The following TMEM220 variants were observed in gnomAD, a reference collection of about 807,000 sequenced individuals.
TMEM220 encodes transmembrane protein 220.
In TMEM220, 21 loss-of-function variants were observed where a neutral mutation model predicts 21.7. That is an observed-to-expected ratio of 0.97 (90% confidence interval 0.69 to 1.39). The LOEUF (loss-of-function observed/expected upper bound fraction) is 1.39, where lower values mean the gene tolerates loss of function less well. Among genes scored for constraint, TMEM220 ranks in the 40% most tolerant of loss-of-function variants. The pLI, the probability that TMEM220 is intolerant of heterozygous loss-of-function variation, is 0.00. For synonymous variants in TMEM220, 80 were observed against 73.6 expected (o/e 1.09, Z -0.45); for missense variants, 191 against 201.9 (o/e 0.95, Z 0.33).
At chr17:10,726,133 G>T in intron 3 of TMEM220, 71 bp downstream of exon 3, 1 of 1,295,376 alleles carries the variant, frequency 7.7e-7, no homozygotes, top group Non-Finnish European at 1.1e-6. Flanking sequence ...CTGGGAGTTG[G>T]GCAGATAGAC....
intron 3 of TMEM220, among the ~76,000 whole-genome samples, chr17:10,725,681 C>T (rs1055126792): frequency 2.0e-5 from 3 of 152,160 alleles, no homozygotes; most frequent in Non-Finnish European, 2.9e-5. Flanking sequence ...GGTAAAGTTC[C>T]GAGTCCACCA....
At chr17:10,726,665 C>T (rs1422693540) in intron 2 of TMEM220, among the ~76,000 whole-genome samples, 4 of 152,194 alleles carry the variant, frequency 2.6e-5, no homozygotes, top group Non-Finnish European at 4.4e-5. Flanking sequence ...CTAGATGGCC[C>T]TGCTGGCTTT....
chr17:10,721,623 A>G (rs1277305120), intron 5 of TMEM220, among the ~76,000 whole-genome samples: 3 of 125,148 alleles, frequency 2.4e-5, no homozygotes, highest in South Asian at 4.8e-4. Context: ...AAAAAAAGAA[A>G]AAAAGAAAAA....
chr17:10,729,127 T>G (rs866632252), intron 1 of TMEM220, 67 bp from the exon 2 acceptor site: 3 of 1,580,446 alleles, frequency 1.9e-6, no homozygotes, highest in Non-Finnish European at 2.6e-6. Flanking sequence ...TAAATTCATT[T>G]AAGCACATTT....
rs945935014 is a variant in TMEM220, at chr17:10,729,919, G to A, written c.-68C>T. 2.6e-5 allele frequency: 32 copies of A among 1,253,638 alleles called. No homozygotes were observed. The Admixed American group carries it at 9.5e-4, about 37-fold the overall frequency. 77.7% of individuals were successfully genotyped at this position (1,253,638 alleles called of 1,614,324 possible). A position where few individuals can be genotyped will look rare whatever the true frequency, so the allele number is the denominator to read the frequency against. On this transcript the variant is annotated 5_prime_UTR_variant, in exon 1 of 6. Transcript: ENST00000341871. ...CGGGGCGGTGAGTCCTGCCACGTAC[G>A]GTCCGCCTTCCTCCTTGCGCGGAGG...
intron 5 of TMEM220, among the ~76,000 whole-genome samples, chr17:10,722,996 T>TG (rs1485507247): frequency 2.6e-5 from 4 of 151,704 alleles, no homozygotes; most frequent in Non-Finnish European, 5.9e-5. Flanking sequence ...TTTTTTTTTT[T>TG]TTTTGAGAGA....
At chr17:10,712,449 T>G (rs1290205521), downstream of TMEM220, among the ~76,000 whole-genome samples, 1 of 152,170 alleles carries the variant, frequency 6.6e-6, no homozygotes, top group South Asian at 2.1e-4. Flanking sequence ...GACATGTATC[T>G]CTCTGAGGGC....
At chr17:10,725,766 T>C (rs950375021) in intron 3 of TMEM220, among the ~76,000 whole-genome samples, 2 of 152,128 alleles carry the variant, frequency 1.3e-5, no homozygotes, top group Admixed American at 1.3e-4. Context: ...CATAGCACAT[T>C]TGAGTTATTT....
At position 10,729,988 on chromosome 17, in the gene TMEM220, C is replaced by T. The variant is rs2075109908; in HGVS notation, c.-137G>A. The T allele has an allele frequency of 7.7e-6, 9 of 1,161,582 alleles. No homozygotes were observed. The South Asian group carries it at 2.4e-4, about 30-fold the overall frequency. 72.0% of individuals were successfully genotyped at this position (1,161,582 alleles called of 1,614,324 possible). A position where few individuals can be genotyped will look rare whatever the true frequency, so the allele number is the denominator to read the frequency against. On this transcript the variant is annotated 5_prime_UTR_variant, in exon 1 of 6. Transcript: ENST00000341871. Reference sequence around the variant, plus strand: ...GGTTTCGGTGCCTTGGGGACACTGCCGTGGCCGTCGCTCCGCCCGGGGGCG... The same window carrying T: ...GGTTTCGGTGCCTTGGGGACACTGCTGTGGCCGTCGCTCCGCCCGGGGGCG...
At chr17:10,718,132 A>C (rs2074944487) in intron 5 of TMEM220, among the ~76,000 whole-genome samples, 1 of 151,988 alleles carries the variant, frequency 6.6e-6, no homozygotes, top group South Asian at 2.1e-4. Context: ...CTATGAACTC[A>C]ATTTCTTTAA....
chr17:10,717,686 T>C (rs1342876280), intron 5 of TMEM220, among the ~76,000 whole-genome samples: 2 of 152,226 alleles, frequency 1.3e-5, no homozygotes, highest in Non-Finnish European at 2.9e-5. Flanking sequence ...GGAAAGTGTT[T>C]CTTCTTTTTC....
intron 2 of TMEM220, among the ~76,000 whole-genome samples, chr17:10,728,172 A>G (rs1045597941): frequency 6.6e-6 from 1 of 152,060 alleles, no homozygotes; most frequent in Non-Finnish European, 1.5e-5. Context: ...AAAAGAAAAA[A>G]AAAAAAAGAT....
rs1280740988 is a variant in TMEM220, at chr17:10,725,083, A to G, written c.215T>C (p.Val72Ala). Residue 72 changes from valine (V) to alanine (A), a missense_variant, in exon 4 of 6, where the codon GTG (valine) becomes GCG (alanine). By Grantham distance (64) the Val-to-Ala change is moderately conservative. Transcript: ENST00000341871. Reference protein sequence around the residue: ...ISAIHILFCTVWAVGLASYLL... With the variant: ...ISAIHILFCTAWAVGLASYLL... Reference sequence around the variant, plus strand: ...GTAGGACGCCAAGCCAACAGCCCACACCGTACAAAAGAGTATGTGTATTGC... The same window carrying G: ...GTAGGACGCCAAGCCAACAGCCCACGCCGTACAAAAGAGTATGTGTATTGC... 3.7e-6 allele frequency: 6 copies of G among 1,614,118 alleles called. No individual in the cohort carries two copies. The highest frequency in any genetic ancestry group is 2.2e-5 in the East Asian group (1 of 44,888).
chr17:10,730,000 T>G lies in TMEM220; in HGVS notation c.-149A>C. 7.4e-6 allele frequency: 8 copies of G among 1,074,402 alleles called. No homozygotes were observed. Among genetic ancestry groups the G allele is most frequent in the Non-Finnish European group, 8.7e-6 (8 of 916,396 alleles). 66.6% of individuals were successfully genotyped at this position (1,074,402 alleles called of 1,614,324 possible). ...TTGGGGACACTGCCGTGGCCGTCGC[T>G]CCGCCCGGGGGCGGGGAGCGAAGGG... is the stretch of plus-strand genomic sequence containing the variant. On this transcript the variant is annotated 5_prime_UTR_variant, in exon 1 of 6. Coordinates refer to ENST00000341871, the MANE Select transcript of TMEM220 (RefSeq NM_001004313.3).
intron 5 of TMEM220, 112 bp from the exon 6 acceptor site, chr17:10,715,700 G>T: frequency 6.9e-6 from 5 of 725,886 alleles, no homozygotes; most frequent in South Asian, 6.4e-5. Context: ...TCTCATCTCA[G>T]TTGTTTTATT....
downstream of TMEM220, among the ~76,000 whole-genome samples, chr17:10,712,798 T>TA (rs553440784): frequency 5.7e-4 from 87 of 152,242 alleles, no homozygotes; most frequent in African/African-American, 2.0e-3. Context: ...TGGCAAGAAA[T>TA]ATGGCAGAAA....
At chr17:10,729,318 C>A (rs1196808357) in intron 1 of TMEM220, among the ~76,000 whole-genome samples, 1 of 152,096 alleles carries the variant, frequency 6.6e-6, no homozygotes, top group African/African-American at 2.4e-5. Context: ...CTCGCCAACC[C>A]AGAACGGGTA....
At chr17:10,727,715 G>A (rs1301070941) in intron 2 of TMEM220, among the ~76,000 whole-genome samples, 3 of 152,100 alleles carry the variant, frequency 2.0e-5, no homozygotes, top group Non-Finnish European at 4.4e-5. Context: ...AACCTGGATA[G>A]AATTTCATGT....
chr17:10,714,356 A>T lies in TMEM220; in HGVS notation c.*1097T>A, dbSNP rs2074883369. 1 of 152,022 alleles carries T rather than the reference A, an allele frequency of 6.6e-6. No individual in the cohort carries two copies. The highest frequency in any genetic ancestry group is 1.5e-5 in the Non-Finnish European group (1 of 68,010). The allele number at this position is 152,022 out of a possible 1,614,324, so 9.4% of individuals were successfully genotyped here. On this transcript the variant is annotated 3_prime_UTR_variant, in exon 6 of 6. Coordinates refer to ENST00000341871, the MANE Select transcript of TMEM220 (RefSeq NM_001004313.3). ...ACAATTGTAAGTTTTCCAATAATCAAGTATCCATTTTTAAATGAAAATGGA... is the reference window on the plus strand; with the variant it reads ...ACAATTGTAAGTTTTCCAATAATCATGTATCCATTTTTAAATGAAAATGGA...
Sources: allele counts gnomAD v4.1 joint callset (sites outside exome capture counted in the v4.1 genomes callset), GRCh38; gene constraint gnomAD v4.1.1; transcripts MANE v1.5; gene names NCBI Gene and HGNC (gene_info 2026-07-23, HGNC 2026-07-21).